Variants in TMEM94 observed in about 807,000 individuals in gnomAD.
The protein encoded by TMEM94 is transmembrane protein 94.
TMEM94 carries 81 observed loss-of-function variants against 158.6 expected under a neutral mutation model. That is an observed-to-expected ratio of 0.51 (90% CI 0.43 to 0.61). The LOEUF (loss-of-function observed/expected upper bound fraction) is 0.61. Among genes scored for constraint, TMEM94 ranks in the 20% least tolerant of loss-of-function variants. TMEM94 has a pLI of 0.00. For missense variants in TMEM94, 1,435 were observed against 1,762.0 expected (o/e 0.81, Z 3.32); for synonymous variants, 751 against 730.7 (o/e 1.03, Z -0.45).
At chr17:75,460,515 A>ATTTTT (rs537401657) in intron 1 of TMEM94, among the ~76,000 whole-genome samples, 87 of 140,708 alleles carry the variant, frequency 6.2e-4, no homozygotes, top group South Asian at 4.5e-3. Flanking sequence ...GGAGCTGCTG[A>ATTTTT]TTTTTTTTTT....
In TMEM94 at chr17:75,488,762, G is replaced by T; in HGVS notation, c.616G>T (p.Asp206Tyr). 1 of 1,613,902 alleles carries T rather than the reference G, an allele frequency of 6.2e-7. No homozygotes were observed. Among genetic ancestry groups the T allele is most frequent in the Non-Finnish European group, 8.5e-7 (1 of 1,179,944 alleles). The change falls in exon 7 of 32, where the codon GAC becomes TAC. Residue 206 changes from aspartate (D) to tyrosine (Y), a missense_variant. Asp to Tyr is a radical substitution (Grantham distance 160). This residue lies in a region of TMEM94 where 1,051 missense variants were observed against 1,254.4 expected (regional missense o/e 0.84). Coordinates refer to ENST00000314256, the MANE Select transcript of TMEM94 (RefSeq NM_014738.6). ...CTCTCCCACTTGCTGCCGGCAGGAT[G>T]ACGAGCACATCGTCCTGGAGCCGGG... ...SFASLRGIKD[D>Y]EHIVLEPGDL...
intron 1 of TMEM94, among the ~76,000 whole-genome samples, chr17:75,462,311 G>A (rs1311715847): frequency 2.6e-5 from 4 of 151,992 alleles, no homozygotes; most frequent in East Asian, 1.9e-4. Context: ...AAAGTGCTGG[G>A]ATTACAGGCG....
At chr17:75,458,784 G>A (rs545104453) in intron 1 of TMEM94, among the ~76,000 whole-genome samples, 3 of 151,384 alleles carry the variant, frequency 2.0e-5, no homozygotes, top group Non-Finnish European at 2.9e-5. Context: ...TTGGCCGGGC[G>A]CAGTGGCTCA....
rs868751919 is a variant in TMEM94, at chr17:75,485,769, G to A, written c.145-102G>A. On this transcript the variant is annotated intron_variant, in intron 3 of 31. Transcript: ENST00000314256. This position sits in a 1 kb window ranked among gnomAD's most constrained non-coding sequence, Gnocchi z 5.5. ...GGAGCCCAGCCGAGGTCAAAGAGAGGGGACCAAGGCGGCCATGGGGGCTGG... is the reference window on the plus strand; with the variant it reads ...GGAGCCCAGCCGAGGTCAAAGAGAGAGGACCAAGGCGGCCATGGGGGCTGG... 3 of 1,447,166 alleles carry A rather than the reference G, an allele frequency of 2.1e-6. No individual in the cohort carries two copies. In the Admixed American group the frequency reaches 7.1e-5, roughly 34 times the overall value. 89.6% of individuals were successfully genotyped at this position (1,447,166 alleles called of 1,614,324 possible). A position where few individuals can be genotyped will look rare whatever the true frequency, so the allele number is the denominator to read the frequency against.
rs550398571 is a variant in TMEM94, at chr17:75,469,003, A to G, written c.-106-2797A>G. On this transcript the variant is annotated intron_variant, in intron 1 of 31. Transcript: ENST00000314256. ...TGAGATCATTAGAGTGACGGCTGCC[A>G]GGACGGGAGGGTGAGGGCTGGTGAG... Among the ~76,000 whole-genome samples, 15 of 152,272 alleles carry G rather than the reference A, an allele frequency of 9.9e-5. No individual in the cohort carries two copies. In the South Asian group the frequency reaches 2.1e-3, roughly 21 times the overall value.
intron 1 of TMEM94, among the ~76,000 whole-genome samples, chr17:75,465,798 C>A (rs1446095997): frequency 1.3e-5 from 2 of 151,582 alleles, no homozygotes; most frequent in Non-Finnish European, 2.9e-5. Context: ...CTCAGCCTCC[C>A]AAAGTGCTAG....
chr17:75,469,716 C>A (rs938188050), intron 1 of TMEM94, among the ~76,000 whole-genome samples: 1 of 149,838 alleles, frequency 6.7e-6, no homozygotes, highest in Non-Finnish European at 1.5e-5. Context: ...TTTGAGAAGC[C>A]GAGGCGGGCA....
rs987732769 is a variant in TMEM94, at chr17:75,493,753, C to T, written c.2244C>T (p.Ala748=). Residue 748 remains alanine (A), a synonymous_variant, in exon 18 of 32, where the codon GCC becomes GCT. Transcript: ENST00000314256. The part of the protein sequence containing the change: ...QRACLSGYCS[A]FAYKPMNCAL... ...CCTGCCTGTCTGGGTATTGCTCTGC[C>T]TTCGCCTACAAGCCCATGAACTGCG... The T allele has an allele frequency of 1.4e-5, 23 of 1,614,126 alleles. No individual in the cohort carries two copies. The highest frequency in any genetic ancestry group is 1.9e-5 in the Non-Finnish European group (22 of 1,180,038).
Position 75,492,074 on chromosome 17 carries a change from A to G in TMEM94, c.1596+174A>G, listed in dbSNP as rs1234791157. On this transcript the variant is annotated intron_variant, in intron 14 of 31. Transcript: ENST00000314256. The surrounding 1 kb of genome is among the most constrained non-coding windows in gnomAD (Gnocchi z 4.4). Reference sequence around the variant, plus strand: ...GCCCTCCCCAAGTCTGCTGCGAAGTAGGTGGAGCCTCCCCCTACCCTTCCA... The same window carrying G: ...GCCCTCCCCAAGTCTGCTGCGAAGTGGGTGGAGCCTCCCCCTACCCTTCCA... 2 of 782,366 alleles carry G rather than the reference A, an allele frequency of 2.6e-6. No individual in the cohort carries two copies. Among genetic ancestry groups the G allele is most frequent in the Non-Finnish European group, 4.0e-6 (2 of 495,818 alleles). 48.5% of individuals were successfully genotyped at this position (782,366 alleles called of 1,614,324 possible). A position where few individuals can be genotyped will look rare whatever the true frequency, so the allele number is the denominator to read the frequency against.
intron 1 of TMEM94, among the ~76,000 whole-genome samples, chr17:75,461,494 G>T (rs1355325624): frequency 6.6e-6 from 1 of 152,042 alleles, no homozygotes; most frequent in East Asian, 1.9e-4. Context: ...GCAGAAAAAA[G>T]TATAAAAAAG....
At position 75,500,355 on chromosome 17, in the gene TMEM94, C is replaced by G. The variant is rs1269119592; in HGVS notation, c.*1021C>G. The G allele has an allele frequency of 6.6e-6, 1 of 152,326 alleles. No individual in the cohort carries two copies. Among genetic ancestry groups the G allele is most frequent in the African/African-American group, 2.4e-5 (1 of 41,398 alleles). 9.4% of individuals were successfully genotyped at this position (152,326 alleles called of 1,614,324 possible). A position where few individuals can be genotyped will look rare whatever the true frequency, so the allele number is the denominator to read the frequency against. On this transcript the variant is annotated 3_prime_UTR_variant, in exon 32 of 32. Transcript: ENST00000314256. ...GGCCAATGGGGTCAGGCTCTCCCTGCCCTCAGGTGGGCAGTCGGGGCTCCT... is the reference window on the plus strand; with the variant it reads ...GGCCAATGGGGTCAGGCTCTCCCTGGCCTCAGGTGGGCAGTCGGGGCTCCT...
In TMEM94 at chr17:75,491,820, C is replaced by G. The variant is rs774782027; in HGVS notation, c.1516C>G (p.His506Asp). The change falls in exon 14 of 32, where the codon CAT becomes GAT. Residue 506 changes from histidine to aspartate, a missense_variant. By Grantham distance (81) the His-to-Asp change is moderately conservative. Coordinates refer to ENST00000314256, the MANE Select transcript of TMEM94 (RefSeq NM_014738.6). The surrounding 1 kb of genome is among the most constrained non-coding windows in gnomAD (Gnocchi z 5.1). ...CGAGCCCTATTCACACCACAAAGCG[C>G]ATGGCCGCAGCAAACACCCATCTGG... is the stretch of plus-strand genomic sequence containing the variant. ...PPEPYSHHKA[H>D]GRSKHPSGSN... 6 of 1,613,984 alleles carry G rather than the reference C, an allele frequency of 3.7e-6. No individual in the cohort carries two copies. In the Admixed American group the frequency reaches 1.0e-4, roughly 27 times the overall value.
chr17:75,480,084 G>A (rs1359984060), intron 2 of TMEM94, among the ~76,000 whole-genome samples: 4 of 149,286 alleles, frequency 2.7e-5, no homozygotes, highest in South Asian at 2.1e-4. Context: ...AGCAAGACCC[G>A]GTCTCAAAGG....
intron 6 of TMEM94, among the ~76,000 whole-genome samples, 195 bp from the exon 7 acceptor site, chr17:75,488,564 G>A (rs2051834615): frequency 6.6e-6 from 1 of 152,178 alleles, no homozygotes; most frequent in African/African-American, 2.4e-5. Context: ...TTACAGGTGT[G>A]AGCCACCACG....
chr17:75,465,981 C>T (rs1435092741), intron 1 of TMEM94, among the ~76,000 whole-genome samples: 1 of 151,954 alleles, frequency 6.6e-6, no homozygotes, highest in African/African-American at 2.4e-5. Context: ...TGAAGTGGCA[C>T]AATCATAGTT....
rs766380077 is a variant in TMEM94, at chr17:75,498,288, C to T, written c.3603C>T (p.Arg1201=). 4 of 1,613,364 alleles carry T rather than the reference C, an allele frequency of 2.5e-6. No individual in the cohort carries two copies. Among genetic ancestry groups the T allele is most frequent in the Non-Finnish European group, 3.4e-6 (4 of 1,180,022 alleles). ...LQSFCDSSRD[R]NLTNCSSVML... ...GCTTCTGTGACAGCTCCCGGGACCGCAACCTCACCAACTGCTCCTCCGTCA... is the reference window on the plus strand; with the variant it reads ...GCTTCTGTGACAGCTCCCGGGACCGTAACCTCACCAACTGCTCCTCCGTCA... The change falls in exon 28 of 32, where the codon CGC becomes CGT. Residue 1201 remains arginine, a synonymous_variant. Coordinates refer to ENST00000314256, the MANE Select transcript of TMEM94 (RefSeq NM_014738.6). The surrounding 1 kb of genome is among the most constrained non-coding windows in gnomAD (Gnocchi z 6.7).
chr17:75,495,940 C>G lies in TMEM94; in HGVS notation c.2945-26C>G. 1 of 1,553,354 alleles carries G rather than the reference C, an allele frequency of 6.4e-7. No individual in the cohort carries two copies. Among genetic ancestry groups the G allele is most frequent in the Non-Finnish European group, 8.9e-7 (1 of 1,127,388 alleles). ...CACTTGGTGCTCTGCCTGCCTGACT[C>G]TGGTGCCCTTATACGCTGTCCTCAG... On this transcript the variant is annotated intron_variant, in intron 22 of 31. Transcript: ENST00000314256. This position sits in a 1 kb window ranked among gnomAD's most constrained non-coding sequence, Gnocchi z 5.6.
intron 26 of TMEM94, 95 bp downstream of exon 26, chr17:75,497,293 C>G (rs2052791629): frequency 1.1e-6 from 1 of 926,850 alleles, no homozygotes; most frequent in Non-Finnish European, 1.7e-6. Context: ...TCTGGAACTG[C>G]TCAGGTCTCA....
intron 1 of TMEM94, among the ~76,000 whole-genome samples, chr17:75,462,509 T>C (rs1467989857): frequency 6.6e-6 from 1 of 151,540 alleles, no homozygotes; most frequent in Non-Finnish European, 1.5e-5. Flanking sequence ...TGATGGGAGC[T>C]CATTGCTTCA....
Sources: allele counts gnomAD v4.1 joint callset (sites outside exome capture counted in the v4.1 genomes callset), GRCh38; gene constraint gnomAD v4.1.1; regional missense constraint gnomAD v4.1.1; non-coding constraint Gnocchi (gnomAD v3.1); transcripts MANE v1.5; gene names NCBI Gene and HGNC (gene_info 2026-07-23, HGNC 2026-07-21).